Variants in FNIP1 observed in about 807,000 individuals in gnomAD.
The protein encoded by FNIP1 is folliculin-interacting protein 1.
FNIP1 carries 40 observed loss-of-function variants against 124.5 expected under a neutral mutation model. The observed-to-expected ratio is 0.32, with a 90% CI of 0.25 to 0.42. The LOEUF (loss-of-function observed/expected upper bound fraction) is 0.42. Among genes scored for constraint, FNIP1 ranks in the 10% least tolerant of loss-of-function variants. The pLI is 1.00. For synonymous variants in FNIP1, 472 were observed against 470.6 expected (o/e 1.00, Z -0.04); for missense variants, 1,176 against 1,403.7 (o/e 0.84, Z 2.59).
At chr5:131,702,374 C>G (rs1006963259) in intron 10 of FNIP1, among the ~76,000 whole-genome samples, 10 of 151,966 alleles carry the variant, frequency 6.6e-5, no homozygotes, top group Admixed American at 4.6e-4. Context: ...GAGACCGGGT[C>G]TTGCCATGTT....
intron 1 of FNIP1, among the ~76,000 whole-genome samples, chr5:131,746,565 C>T (rs776413397): frequency 1.3e-5 from 2 of 152,180 alleles, no homozygotes; most frequent in Non-Finnish European, 2.9e-5. Context: ...CTCAGGATAA[C>T]GGCCTCCAGC....
chr5:131,769,778 TGAA>T lies in FNIP1; in HGVS notation c.93-25091_93-25089del, dbSNP rs536816588. Reference sequence around the variant, plus strand: ...GTAACATCCTGCTTTTTTGTTTCACTGAAGAGTCTGGGATTTTTACAGAAGCAA... The same window carrying T: ...GTAACATCCTGCTTTTTTGTTTCACTGAGTCTGGGATTTTTACAGAAGCAA... On this transcript the variant is annotated intron_variant, in intron 1 of 17. Coordinates refer to ENST00000510461, the MANE Select transcript of FNIP1 (RefSeq NM_133372.3). Among the ~76,000 whole-genome samples the T allele has an allele frequency of 4.7e-3, 710 of 152,306 alleles. 8 individuals carry two copies. The highest frequency in any genetic ancestry group is 0.016 in the African/African-American group (674 of 41,578).
chr5:131,758,862 C>A (rs1448004289), intron 1 of FNIP1, among the ~76,000 whole-genome samples: 1 of 151,892 alleles, frequency 6.6e-6, no homozygotes. Flanking sequence ...TCCAAGAGGG[C>A]AAACTGGTTC....
At chr5:131,765,845 A>T (rs1022353884) in intron 1 of FNIP1, among the ~76,000 whole-genome samples, 40 of 152,152 alleles carry the variant, frequency 2.6e-4, no homozygotes, top group Non-Finnish European at 3.4e-4. Context: ...ATAAAACCTA[A>T]TTTTGTCACA....
chr5:131,672,171 G>A lies in FNIP1; in HGVS notation c.2273C>T (p.Ser758Phe). The A allele has an allele frequency of 6.2e-7, 1 of 1,614,192 alleles. No individual in the cohort carries two copies. Among genetic ancestry groups the A allele is most frequent in the Non-Finnish European group, 8.5e-7 (1 of 1,180,030 alleles). ...QTKVTFLIGD[S>F]MSPDSDTELR... ...CTCAGTATCTGAATCAGGTGACATAGAATCCCCAATCAGGAAAGTAACCTT... is the reference window on the plus strand; with the variant it reads ...CTCAGTATCTGAATCAGGTGACATAAAATCCCCAATCAGGAAAGTAACCTT... Residue 758 changes from serine (S) to phenylalanine (F), a missense_variant, in exon 14 of 18, where the codon TCT becomes TTT. Physicochemically the swap from Ser to Phe is radical, Grantham distance 155 (BLOSUM62 -2). Around this residue, in one of 2 missense-constraint regions of FNIP1, gnomAD observed 1,109 missense variants for 1,288.5 expected, o/e 0.86. Transcript: ENST00000510461.
chr5:131,654,844 G>A lies in FNIP1; in HGVS notation c.3109-2845C>T, dbSNP rs189136779. 2.7e-3 allele frequency among the ~76,000 whole-genome samples: 407 copies of A among 152,250 alleles called. 3 individuals carry two copies. The highest frequency in any genetic ancestry group is 9.4e-3 in the African/African-American group (392 of 41,550). On this transcript the variant is annotated intron_variant, in intron 15 of 17. Coordinates refer to ENST00000510461, the MANE Select transcript of FNIP1 (RefSeq NM_133372.3). The stretch of plus-strand genomic sequence containing the variant: ...GATATTGAGAAATAAGAAGAGAATG[G>A]CAAAGGAAAAGTCCAAAAATATACC...
Position 131,671,618 on chromosome 5 carries a change from G to T in FNIP1, c.2826C>A (p.Ala942=). ...DIPRNESSDS[A]LGDSESEDTG... is the part of the protein sequence containing the mutation. ...TATCTTCACTTTCACTATCCCCAAGGGCACTGTCTGAACTTTCATTTCTTG... is the reference window on the plus strand; with the variant it reads ...TATCTTCACTTTCACTATCCCCAAGTGCACTGTCTGAACTTTCATTTCTTG... Residue 942 remains alanine, a synonymous_variant, in exon 14 of 18, where the codon GCC becomes GCA. Coordinates refer to ENST00000510461, the MANE Select transcript of FNIP1 (RefSeq NM_133372.3). 2 of 1,613,932 alleles carry T rather than the reference G, an allele frequency of 1.2e-6. No individual in the cohort carries two copies. Among genetic ancestry groups the T allele is most frequent in the Non-Finnish European group, 8.5e-7 (1 of 1,179,990 alleles).
At chr5:131,725,485 G>T (rs1264616220) in intron 3 of FNIP1, among the ~76,000 whole-genome samples, 1 of 152,038 alleles carries the variant, frequency 6.6e-6, no homozygotes, top group Non-Finnish European at 1.5e-5. Flanking sequence ...GTTCACTCAC[G>T]ATTTGGCTGT....
At position 131,651,825 on chromosome 5, in the gene FNIP1, T is replaced by C. The variant is rs1351578714; in HGVS notation, c.3283A>G (p.Lys1095Glu). The C allele has an allele frequency of 5.0e-6, 8 of 1,614,024 alleles. No individual in the cohort carries two copies. Among genetic ancestry groups the C allele is most frequent in the Non-Finnish European group, 6.8e-6 (8 of 1,180,018 alleles). ...ACAAAATTTGGAGACAAGTTATGCTTATAAAGCTGAAGTGTGGAATGAAGC... is the reference window on the plus strand; with the variant it reads ...ACAAAATTTGGAGACAAGTTATGCTCATAAAGCTGAAGTGTGGAATGAAGC... ...NLLHSTLQLY[K>E]HNLSPNFCVM... The change falls in exon 16 of 18, where the codon AAG (lysine) becomes GAG (glutamate). Residue 1095 changes from lysine (K) to glutamate (E), a missense_variant. Physicochemically the swap from Lys to Glu is moderately conservative, Grantham distance 56. Coordinates refer to ENST00000510461, the MANE Select transcript of FNIP1 (RefSeq NM_133372.3).
chr5:131,677,694 A>T lies in FNIP1; in HGVS notation c.1519+9T>A. On this transcript the variant is annotated intron_variant, in intron 13 of 17. Transcript: ENST00000510461. ...TAATACATAGTGTAACAGTTGTCAGATTACATACCCAGTTGTGCCCAAAGT... is the reference window on the plus strand; with the variant it reads ...TAATACATAGTGTAACAGTTGTCAGTTTACATACCCAGTTGTGCCCAAAGT... 6.2e-7 allele frequency: 1 copy of T among 1,610,412 alleles called. No homozygotes were observed. Among genetic ancestry groups the T allele is most frequent in the Non-Finnish European group, 8.5e-7 (1 of 1,177,318 alleles).
intron 2 of FNIP1, among the ~76,000 whole-genome samples, chr5:131,736,552 A>G (rs1770311729): frequency 6.6e-6 from 1 of 152,228 alleles, no homozygotes. Context: ...GCAAGAGGTG[A>G]GCAGTGGGCA....
intron 1 of FNIP1, among the ~76,000 whole-genome samples, chr5:131,765,697 A>G (rs749437697): frequency 6.6e-5 from 10 of 152,236 alleles, no homozygotes; most frequent in Non-Finnish European, 1.0e-4. Flanking sequence ...TTTACAGTAC[A>G]TAACTCTAAA....
chr5:131,724,419 C>G lies in FNIP1; in HGVS notation c.355-5002G>C, dbSNP rs181036711. Among the ~76,000 whole-genome samples the G allele has an allele frequency of 2.2e-3, 339 of 152,188 alleles. 1 individual carries two copies. The highest frequency in any genetic ancestry group is 6.8e-3 in the Middle Eastern group (2 of 294). ...CTGCCATTCTAACTGGCTTGAGATG[C>G]TTATCTCATCATGGTTTTGATTTGC... On this transcript the variant is annotated intron_variant, in intron 3 of 17. Transcript: ENST00000510461.
At chr5:131,781,206 T>C (rs4705835) in intron 1 of FNIP1, among the ~76,000 whole-genome samples, 118,795 of 152,188 alleles carry the variant, frequency 0.78, 46,577 homozygotes, top group Middle Eastern at 0.83. Flanking sequence ...TTGAAAGTAG[T>C]ATAGGTTAGT....
At chr5:131,715,303 C>T (rs568743086) in intron 6 of FNIP1, among the ~76,000 whole-genome samples, 1 of 152,166 alleles carries the variant, frequency 6.6e-6, no homozygotes, top group African/African-American at 2.4e-5. Context: ...CTGGCCAACA[C>T]ATCAAAACCC....
intron 6 of FNIP1, among the ~76,000 whole-genome samples, chr5:131,714,019 T>G (rs1352223206): frequency 6.6e-6 from 1 of 152,250 alleles, no homozygotes; most frequent in Admixed American, 6.5e-5. Flanking sequence ...CGAGAATATA[T>G]GTCAAAGATC....
chr5:131,790,499 A>AAAAAAC, intron 1 of FNIP1, among the ~76,000 whole-genome samples: 1 of 149,360 alleles, frequency 6.7e-6, no homozygotes, highest in Non-Finnish European at 1.5e-5. Context: ...AAAAAAAAAA[A>AAAAAAC]AAAGGCACCT....
chr5:131,751,661 GTA>G (rs1561689820), intron 1 of FNIP1, among the ~76,000 whole-genome samples: 1 of 152,084 alleles, frequency 6.6e-6, no homozygotes, highest in East Asian at 1.9e-4. Flanking sequence ...ACAAAATGTG[GTA>G]TGTCAATACA....
intron 2 of FNIP1, among the ~76,000 whole-genome samples, chr5:131,739,830 A>C (rs910975358): frequency 6.6e-5 from 10 of 151,622 alleles, no homozygotes; most frequent in East Asian, 3.9e-4. Context: ...AAAAAAAAAA[A>C]AAAAAAACAC....
Sources: gnomAD v4.1 joint callset for allele counts (sites outside exome capture counted in the v4.1 genomes callset) on GRCh38, gnomAD v4.1.1 for gene constraint, gnomAD v4.1.1 regional missense constraint, MANE v1.5 for transcripts, NCBI Gene and HGNC (gene_info 2026-07-23, HGNC 2026-07-21) for gene names.